HHAT: variants seen among roughly 807,000 people sequenced by gnomAD.
HHAT encodes the protein hedgehog acyltransferase, also known as protein-cysteine N-palmitoyltransferase HHAT.
A neutral mutation model predicts 70.8 loss-of-function variants in HHAT; 47 were observed. The observed-to-expected ratio is 0.66, with a 90% confidence interval of 0.53 to 0.85. The LOEUF is 0.85. HHAT is among the 40% of genes least tolerant of loss of function. The pLI, the probability that HHAT is intolerant of heterozygous loss-of-function variation, is 0.00. For missense variants in HHAT, 609 were observed against 604.8 expected, an observed-to-expected ratio of 1.01 and a Z score of -0.07; for synonymous variants, 228 against 247.6, an observed-to-expected ratio of 0.92 and a Z score of 0.74.
At chr1:210,423,273 G>T (rs2092959462) in intron 7 of HHAT, among the ~76,000 whole-genome samples, 1 of 152,018 alleles carries the variant, frequency 6.6e-6, no homozygotes. Flanking sequence ...CCTAACTCTG[G>T]GGTGAGATGA....
At chr1:210,583,629 A>G (rs1166613009) in intron 9 of HHAT, among the ~76,000 whole-genome samples, 3 of 152,226 alleles carry the variant, frequency 2.0e-5, no homozygotes, top group Admixed American at 6.5e-5. Context: ...AGGGATTTTT[A>G]TCTTCCAGTC....
chr1:210,510,578 C>T (rs1418056497), intron 8 of HHAT, among the ~76,000 whole-genome samples: 1 of 152,114 alleles, frequency 6.6e-6, no homozygotes, highest in Non-Finnish European at 1.5e-5. Context: ...TTAACATGAA[C>T]CATCATTTTC....
rs538530977 is a variant in HHAT, at chr1:210,525,458, A to G, written c.1043+12270A>G. Among the ~76,000 whole-genome samples, 35 of 152,168 alleles carry G rather than the reference A, an allele frequency of 2.3e-4. 1 individual carries two copies. The highest frequency in any genetic ancestry group is 4.4e-4 in the Non-Finnish European group (30 of 68,038). On this transcript the variant is annotated intron_variant, in intron 9 of 11. Transcript: ENST00000261458. ...TTATGTTCACAGAATGTTAGAATGG[A>G]AGGGCCTTGACGATTATGTTCCACA...
intron 1 of HHAT, among the ~76,000 whole-genome samples, chr1:210,330,254 G>A (rs897852694): frequency 6.6e-6 from 1 of 152,024 alleles, no homozygotes; most frequent in African/African-American, 2.4e-5. Flanking sequence ...GTCCCTAATT[G>A]TGATTGTTTG....
At chr1:210,364,810 G>A (rs1320327730) in intron 3 of HHAT, among the ~76,000 whole-genome samples, 4 of 152,200 alleles carry the variant, frequency 2.6e-5, no homozygotes, top group African/African-American at 9.7e-5. Context: ...GTCTGGGGTC[G>A]GGAGTGTTGT....
At chr1:210,433,881 A>G (rs575167481) in intron 7 of HHAT, among the ~76,000 whole-genome samples, 1 of 152,116 alleles carries the variant, frequency 6.6e-6, no homozygotes, top group Non-Finnish European at 1.5e-5. Flanking sequence ...TGGGCAGGGC[A>G]TTGGGCTGTG....
At chr1:210,329,381 C>A (rs549204641) in intron 1 of HHAT, 1 of 1,160,846 alleles carries the variant, frequency 8.6e-7, no homozygotes, top group Middle Eastern at 3.5e-4. Flanking sequence ...TCCTTGGCTT[C>A]GTCCCCAGCT....
intron 1 of HHAT, among the ~76,000 whole-genome samples, chr1:210,338,822 C>T (rs1334082027): frequency 6.6e-6 from 1 of 152,138 alleles, no homozygotes; most frequent in Non-Finnish European, 1.5e-5. Context: ...AGAAGAAATC[C>T]ACCCCTGTAT....
At chr1:210,479,119 G>A (rs1387681499) in intron 8 of HHAT, among the ~76,000 whole-genome samples, 3 of 152,158 alleles carry the variant, frequency 2.0e-5, no homozygotes, top group African/African-American at 4.8e-5. Flanking sequence ...GTCCCCTATC[G>A]TTTGACCTTT....
At position 210,623,637 on chromosome 1, in the gene HHAT, G is replaced by A. The variant is rs779017166; in HGVS notation, c.1357G>A (p.Gly453Arg). ...GGTATTTCTTGGGGGCAATGAGGTT[G>A]GGAAAACCTACTGGAATAGGATCTT... is the stretch of plus-strand genomic sequence containing the variant. ...NLVFLGGNEV[G>R]KTYWNRIFIQ... Residue 453 changes from glycine to arginine, a missense_variant, in exon 11 of 12, where the codon GGG becomes AGG. By Grantham distance (125) the Gly-to-Arg change is moderately radical. Coordinates refer to ENST00000261458, the MANE Select transcript of HHAT (RefSeq NM_018194.6). 6 of 1,613,888 alleles carry A rather than the reference G, an allele frequency of 3.7e-6. No individual in the cohort carries two copies. In the Admixed American group the frequency reaches 1.0e-4, roughly 27 times the overall value.
chr1:210,375,435 C>T (rs2090111073), intron 3 of HHAT, among the ~76,000 whole-genome samples: 1 of 152,146 alleles, frequency 6.6e-6, no homozygotes. Context: ...GCCACTCCCA[C>T]TTTCTTTTGA....
chr1:210,662,445 A>G (rs1269228075), intron 11 of HHAT, among the ~76,000 whole-genome samples: 3 of 152,210 alleles, frequency 2.0e-5, no homozygotes, highest in Admixed American at 6.5e-5. Context: ...GGCAGCGTCC[A>G]CTGTGTTTTA....
chr1:210,561,870 G>A (rs1272275603), intron 9 of HHAT, among the ~76,000 whole-genome samples: 1 of 152,136 alleles, frequency 6.6e-6, no homozygotes, highest in African/African-American at 2.4e-5. Flanking sequence ...CCCTGAAGGT[G>A]GGGACTGTGT....
chr1:210,454,136 C>A (rs923868453), intron 7 of HHAT, among the ~76,000 whole-genome samples: 1 of 152,200 alleles, frequency 6.6e-6, no homozygotes, highest in Non-Finnish European at 1.5e-5. Flanking sequence ...GTTCCTCCTG[C>A]AACACATGGG....
intron 9 of HHAT, among the ~76,000 whole-genome samples, chr1:210,544,891 C>T (rs935270512): frequency 6.6e-6 from 1 of 152,162 alleles, no homozygotes; most frequent in Non-Finnish European, 1.5e-5. Flanking sequence ...ATACCTCCTT[C>T]GTCCTCACCC....
intron 1 of HHAT, among the ~76,000 whole-genome samples, chr1:210,337,092 G>C (rs1181259122): frequency 6.6e-6 from 1 of 152,162 alleles, no homozygotes; most frequent in East Asian, 1.9e-4. Flanking sequence ...CATATAAAAA[G>C]ACTTAGAGTT....
At position 210,422,233 on chromosome 1, in the gene HHAT, G is replaced by A. The variant is rs150207853; in HGVS notation, c.856+3908G>A. Reference sequence around the variant, plus strand: ...TATGGTGATCAGATCAGGGTAATTAGCATATCCATCATCACAAATAGTTAT... The same window carrying A: ...TATGGTGATCAGATCAGGGTAATTAACATATCCATCATCACAAATAGTTAT... On this transcript the variant is annotated intron_variant, in intron 7 of 11. Transcript: ENST00000261458. Among the ~76,000 whole-genome samples the A allele has an allele frequency of 5.5e-3, 844 of 152,280 alleles. 6 individuals carry two copies. Among genetic ancestry groups the A allele is most frequent in the African/African-American group, 0.016 (664 of 41,558 alleles).
intron 7 of HHAT, among the ~76,000 whole-genome samples, chr1:210,441,368 T>G (rs1195818625): frequency 2.7e-5 from 4 of 149,904 alleles, no homozygotes; most frequent in Non-Finnish European, 5.9e-5. Flanking sequence ...AACTCAGTAA[T>G]TTTTTTTATA....
At chr1:210,400,312 C>G (rs907708756) in intron 4 of HHAT, among the ~76,000 whole-genome samples, 156 bp from the exon 5 acceptor site, 9 of 152,110 alleles carry the variant, frequency 5.9e-5, no homozygotes, top group African/African-American at 1.7e-4. Context: ...TACCAAAATT[C>G]CCAGGGCAGT....
Sources: gnomAD v4.1 joint callset for allele counts (sites outside exome capture counted in the v4.1 genomes callset) on GRCh38, gnomAD v4.1.1 for gene constraint, MANE v1.5 for transcripts, NCBI Gene and HGNC (gene_info 2026-07-23, HGNC 2026-07-21) for gene names.